Variants in LRRIQ1 observed in about 807,000 individuals in gnomAD.
LRRIQ1 encodes the protein leucine-rich repeat- and IQ domain-containing protein 1.
LRRIQ1 carries 210 observed loss-of-function variants against 211.9 expected under a neutral mutation model. The observed-to-expected ratio is 0.99, with a 90% CI of 0.89 to 1.11. The LOEUF (loss-of-function observed/expected upper bound fraction) is 1.11. Ranked by LOEUF, LRRIQ1 falls within the 50% of genes most tolerant of loss-of-function variation. The pLI is 0.00. For missense variants in LRRIQ1, 2,136 were observed against 1,939.5 expected (o/e 1.10, Z -1.90); for synonymous variants, 699 against 650.1 (o/e 1.08, Z -1.14).
At position 85,065,371 on chromosome 12, in the gene LRRIQ1, A is replaced by G. The variant is rs1233904016; in HGVS notation, c.2501A>G (p.His834Arg). The G allele has an allele frequency of 1.2e-6, 2 of 1,610,398 alleles. No individual in the cohort carries two copies. Among genetic ancestry groups the G allele is most frequent in the Non-Finnish European group, 1.7e-6 (2 of 1,177,740 alleles). ...SLRRCGLTSL[H>R]SLSNCKKLKY... ...CGACGCTGTGGATTAACTTCTTTGC[A>G]CAGCCTGAGTAATTGTAAAAAACTT... is the stretch of plus-strand genomic sequence containing the variant. The change falls in exon 9 of 27, where the codon CAC becomes CGC. Residue 834 changes from histidine (H) to arginine (R), a missense_variant. Transcript: ENST00000393217.
intron 1 of LRRIQ1, among the ~76,000 whole-genome samples, chr12:85,255,178 T>C (rs1304939316): frequency 1.3e-5 from 2 of 151,836 alleles, no homozygotes; most frequent in Non-Finnish European, 2.9e-5. Context: ...TACTCTACTA[T>C]AACTCCAGTA....
chr12:85,068,543 G>A (rs1320165259), intron 10 of LRRIQ1, among the ~76,000 whole-genome samples: 1 of 151,752 alleles, frequency 6.6e-6, no homozygotes, highest in Non-Finnish European at 1.5e-5. Context: ...CCCAGACCAT[G>A]TAATTCCATT....
chr12:85,270,825 G>A, the LRRIQ1 span, among the ~76,000 whole-genome samples: 2 of 152,128 alleles, frequency 1.3e-5, no homozygotes, highest in Non-Finnish European at 2.9e-5. Context: ...CAGAATCTCA[G>A]CATCCCACAG....
intron 4 of LRRIQ1, 134 bp downstream of exon 4, chr12:85,044,943 C>T (rs1879358874): frequency 1.2e-5 from 5 of 422,126 alleles, no homozygotes; most frequent in Admixed American, 8.7e-5. Flanking sequence ...TTAAGCAAAT[C>T]ATCTGTGGTT....
intron 8 of LRRIQ1, among the ~76,000 whole-genome samples, chr12:85,062,046 G>A (rs1007416898): frequency 3.3e-5 from 5 of 151,790 alleles, no homozygotes; most frequent in East Asian, 1.9e-4. Flanking sequence ...TCAATTTAAT[G>A]CACAGGAAAT....
intron 2 of LRRIQ1, among the ~76,000 whole-genome samples, chr12:85,040,115 A>G (rs1878692789): frequency 6.6e-6 from 1 of 151,598 alleles, no homozygotes; most frequent in Non-Finnish European, 1.5e-5. Flanking sequence ...GATATTAAAT[A>G]TTTTGAAAAA....
chr12:85,050,946 C>T (rs988864612), intron 6 of LRRIQ1, among the ~76,000 whole-genome samples: 3 of 152,184 alleles, frequency 2.0e-5, no homozygotes, highest in Non-Finnish European at 2.9e-5. Context: ...AGGTCCTACT[C>T]ATTCTCACAT....
chr12:85,245,642 G>A (rs1006990141), downstream of LRRIQ1, among the ~76,000 whole-genome samples: 1 of 150,614 alleles, frequency 6.6e-6, no homozygotes, highest in Non-Finnish European at 1.5e-5. Context: ...GGTATTTCAC[G>A]GGAATCAAGA....
chr12:85,229,577 G>A lies in LRRIQ1; in HGVS notation c.4883G>A (p.Arg1628Lys). 1 of 1,612,910 alleles carries A rather than the reference G, an allele frequency of 6.2e-7. No individual in the cohort carries two copies. Among genetic ancestry groups the A allele is most frequent in the Admixed American group, 1.7e-5 (1 of 59,850 alleles). Residue 1628 changes from arginine to lysine, a missense_variant, in exon 25 of 27, where the codon AGA becomes AAA. Coordinates refer to ENST00000393217, the MANE Select transcript of LRRIQ1 (RefSeq NM_001079910.2). ...TTANEKLERN[R>K]EYTYQWLHTQ... ...GCAAATGAAAAATTAGAACGGAATA[G>A]AGAATATACATACCAATGGCTTCAC...
chr12:85,084,167 A>G (rs1389159062), intron 11 of LRRIQ1, among the ~76,000 whole-genome samples: 2 of 152,210 alleles, frequency 1.3e-5, no homozygotes. Context: ...TATGCCTATT[A>G]TTTCAAGAAA....
chr12:85,056,530 G>T lies in LRRIQ1; in HGVS notation c.1737G>T (p.Gln579His). Residue 579 changes from glutamine to histidine, a missense_variant, in exon 8 of 27, where the codon CAG (glutamine) becomes CAT (histidine). Physicochemically the swap from Gln to His is conservative, Grantham distance 24 (BLOSUM62 0). Coordinates refer to ENST00000393217, the MANE Select transcript of LRRIQ1 (RefSeq NM_001079910.2). ...AGCAGAAAATAATCAAAGATAATCA[G>T]CAGAAAAAGATACAAAAAGTAGAAA... ...NEEQKIIKDN[Q>H]QKKIQKVEKE... is the part of the protein sequence containing the mutation. 1 of 1,610,816 alleles carries T rather than the reference G, an allele frequency of 6.2e-7. No homozygotes were observed. The highest frequency in any genetic ancestry group is 8.5e-7 in the Non-Finnish European group (1 of 1,178,668).
intron 24 of LRRIQ1, among the ~76,000 whole-genome samples, chr12:85,165,301 C>T (rs1490540838): frequency 6.6e-6 from 1 of 151,886 alleles, no homozygotes; most frequent in African/African-American, 2.4e-5. Flanking sequence ...CCTCTCTCCC[C>T]ACTCTAGTAG....
chr12:85,142,268 T>C (rs1180807850), intron 19 of LRRIQ1, among the ~76,000 whole-genome samples: 1 of 151,446 alleles, frequency 6.6e-6, no homozygotes, highest in African/African-American at 2.4e-5. Context: ...CTGGCTATGA[T>C]TTTCTTTATT....
At chr12:85,143,231 T>A (rs1434733031) in intron 19 of LRRIQ1, among the ~76,000 whole-genome samples, 2 of 151,908 alleles carry the variant, frequency 1.3e-5, no homozygotes, top group Non-Finnish European at 2.9e-5. Flanking sequence ...TTTTTTCATA[T>A]ACCTATTAGC....
chr12:85,098,640 A>G, intron 12 of LRRIQ1, 92 bp downstream of exon 12: 1 of 1,069,476 alleles, frequency 9.4e-7, no homozygotes, highest in South Asian at 1.7e-5. Context: ...ATTTTGAATA[A>G]TTATTTTGTT....
intron 11 of LRRIQ1, among the ~76,000 whole-genome samples, chr12:85,089,362 A>G (rs778067095): frequency 6.6e-6 from 1 of 152,222 alleles, no homozygotes; most frequent in Non-Finnish European, 1.5e-5. Flanking sequence ...ACTGCATAAC[A>G]GGGAGACATT....
intron 24 of LRRIQ1, chr12:85,162,931 T>A (rs1460856698): frequency 2.7e-6 from 1 of 369,176 alleles, no homozygotes; most frequent in South Asian, 2.1e-5. Flanking sequence ...ATATGGAAGT[T>A]TTTTTTAACA....
chr12:85,094,835 G>C (rs1275129360), intron 11 of LRRIQ1, among the ~76,000 whole-genome samples: 1 of 151,838 alleles, frequency 6.6e-6, no homozygotes, highest in Non-Finnish European at 1.5e-5. Flanking sequence ...ATTCTGGTTA[G>C]ATATATTGCT....
chr12:85,156,098 A>G (rs1890529184), intron 23 of LRRIQ1, among the ~76,000 whole-genome samples: 1 of 151,834 alleles, frequency 6.6e-6, no homozygotes, highest in Non-Finnish European at 1.5e-5. Context: ...CAATTGTATA[A>G]TATTTATGGG....
Sources: allele counts gnomAD v4.1 joint callset (sites outside exome capture counted in the v4.1 genomes callset), GRCh38; gene constraint gnomAD v4.1.1; transcripts MANE v1.5; gene names NCBI Gene and HGNC (gene_info 2026-07-23, HGNC 2026-07-21).